The following SOX5 variants were observed in gnomAD, a reference collection of about 807,000 sequenced individuals.
SOX5 encodes SRY-box transcription factor 5.
Under a neutral mutation model 92.0 loss-of-function variants are expected in SOX5, and 9 were observed. The observed-to-expected ratio is 0.10, with a 90% CI of 0.06 to 0.17. The LOEUF (loss-of-function observed/expected upper bound fraction) is 0.17, where lower values mean the gene tolerates loss of function less well. Ranked by LOEUF, SOX5 falls within the 10% of genes least tolerant of loss-of-function variation. The pLI is 1.00. For missense variants in SOX5, 642 were observed against 944.5 expected (o/e 0.68, Z 4.20); for synonymous variants, 344 against 336.3 (o/e 1.02, Z -0.25).
intron 6 of SOX5, among the ~76,000 whole-genome samples, chr12:23,675,742 A>G (rs2139678993): frequency 6.6e-6 from 1 of 152,336 alleles, no homozygotes; most frequent in Non-Finnish European, 1.5e-5. Flanking sequence ...AATAATCAAC[A>G]AAATGAAAAG....
intron 1 of SOX5, among the ~76,000 whole-genome samples, chr12:24,475,751 G>A (rs1443944501): frequency 6.6e-6 from 1 of 152,224 alleles, no homozygotes; most frequent in African/African-American, 2.4e-5. Flanking sequence ...GGAGGCCAAG[G>A]CCAGAGGATC....
At chr12:23,596,059 C>A (rs1261788173) in intron 9 of SOX5, among the ~76,000 whole-genome samples, 1 of 152,168 alleles carries the variant, frequency 6.6e-6, no homozygotes. Context: ...GGACTGAATA[C>A]CTTCTGGGCT....
intron 7 of SOX5, among the ~76,000 whole-genome samples, chr12:23,656,889 T>A (rs1253321451): frequency 2.0e-5 from 3 of 152,054 alleles, no homozygotes; most frequent in Non-Finnish European, 4.4e-5. Context: ...TGAAGGCAGA[T>A]AACTTTTAGT....
intron 6 of SOX5, among the ~76,000 whole-genome samples, chr12:23,673,021 A>G (rs2085047305): frequency 6.6e-6 from 1 of 152,174 alleles, no homozygotes; most frequent in Non-Finnish European, 1.5e-5. Context: ...CTTAAACAAA[A>G]TATATTTGTT....
intron 1 of SOX5, among the ~76,000 whole-genome samples, chr12:24,451,877 A>G (rs1942363577): frequency 6.6e-6 from 1 of 152,250 alleles, no homozygotes; most frequent in Admixed American, 6.5e-5. Flanking sequence ...TATAGATGCC[A>G]TTAGAAAAGT....
intron 3 of SOX5, among the ~76,000 whole-genome samples, chr12:23,794,564 G>T (rs985119604): frequency 6.6e-6 from 1 of 152,060 alleles, no homozygotes; most frequent in East Asian, 1.9e-4. Context: ...CCCTCCAAAA[G>T]ATATGTCTAT....
intron 4 of SOX5, among the ~76,000 whole-genome samples, chr12:24,108,468 T>C (rs549950196): frequency 2.0e-5 from 3 of 152,290 alleles, no homozygotes; most frequent in African/African-American, 4.8e-5. Flanking sequence ...TGATTTATCA[T>C]TGATTAGTCT....
intron 4 of SOX5, among the ~76,000 whole-genome samples, chr12:24,048,520 A>T (rs1222898571): frequency 2.6e-5 from 4 of 152,184 alleles, no homozygotes; most frequent in Admixed American, 2.6e-4. Context: ...ATATATGTCG[A>T]CACAAAAACT....
rs139139966 is a variant in SOX5 at position 24,043,289 on chromosome 12, A to C, written c.-1-147265T>G. ...AATAAATATCGGAAAGCAAGAGACT[A>C]ACTGGTATTTATTTGGTACCTTGCA... On this transcript the variant is annotated intron_variant, in intron 4 of 4. Transcript: ENST00000446891. Among the ~76,000 whole-genome samples, 503 of 152,334 alleles carry C rather than the reference A, an allele frequency of 3.3e-3. 1 individual carries two copies. Among genetic ancestry groups the C allele is most frequent in the African/African-American group, 0.011 (476 of 41,590 alleles).
At chr12:24,345,164 T>C (rs189995989) in intron 2 of SOX5, among the ~76,000 whole-genome samples, 108 of 152,346 alleles carry the variant, frequency 7.1e-4, no homozygotes, top group African/African-American at 2.5e-3. Flanking sequence ...CTTTCTGGTA[T>C]ATTAGACATG....
intron 9 of SOX5, among the ~76,000 whole-genome samples, chr12:23,584,789 C>T (rs1420006443): frequency 6.6e-6 from 1 of 151,860 alleles, no homozygotes; most frequent in Non-Finnish European, 1.5e-5. Flanking sequence ...GAATGAGACA[C>T]TAAGCAAGAA....
intron 4 of SOX5, among the ~76,000 whole-genome samples, chr12:24,148,550 T>C (rs1951319775): frequency 6.8e-6 from 1 of 146,142 alleles, no homozygotes; most frequent in African/African-American, 2.5e-5. Flanking sequence ...GAATAGACTT[T>C]AGAAACAAAC....
At position 24,112,521 on chromosome 12, in the gene SOX5, CTTTTTTTTTT is replaced by C. The variant is rs139323766; in HGVS notation, c.-2+100812_-2+100821del. ...GGGATACAGAACAACTTCAAGGTTC[CTTTTTTTTTT>C]TTTTTTTTTTTTTTTTTGAGGCAGG... On this transcript the variant is annotated intron_variant, in intron 4 of 4. Coordinates refer to the SOX5 transcript ENST00000446891. Among the ~76,000 whole-genome samples, 22 of 75,692 alleles carry C rather than the reference CTTTTTTTTTT, an allele frequency of 2.9e-4. No individual in the cohort carries two copies. The East Asian group carries it at 3.0e-3, about 10-fold the overall frequency. The allele number at this position is 75,692 out of a possible 152,430, so 49.7% of individuals were successfully genotyped here. A position where few individuals can be genotyped will look rare whatever the true frequency, so the allele number is the denominator to read the frequency against.
chr12:23,942,824 G>A (rs998415163), intron 1 of SOX5, among the ~76,000 whole-genome samples: 1 of 151,958 alleles, frequency 6.6e-6, no homozygotes, highest in Admixed American at 6.6e-5. Context: ...TCTCCACAAT[G>A]AGAAATATTA....
At chr12:24,535,546 C>T (rs1219584254) in intron 1 of SOX5, among the ~76,000 whole-genome samples, 2 of 152,086 alleles carry the variant, frequency 1.3e-5, no homozygotes, top group African/African-American at 4.8e-5. Context: ...TTTCCAATTG[C>T]AGTAGCCCAG....
At chr12:24,060,686 G>C (rs1249812273) in intron 4 of SOX5, among the ~76,000 whole-genome samples, 4 of 152,218 alleles carry the variant, frequency 2.6e-5, no homozygotes, top group Middle Eastern at 3.4e-3. Context: ...TCGAGGATGG[G>C]TTCAGGTATG....
intron 1 of SOX5, among the ~76,000 whole-genome samples, chr12:24,469,956 G>T (rs1246839142): frequency 2.0e-5 from 3 of 151,900 alleles, no homozygotes; most frequent in Non-Finnish European, 4.4e-5. Flanking sequence ...ATGAGATGTT[G>T]GTTTCATGAA....
chr12:23,537,332 T>C (rs1940758687), intron 13 of SOX5, among the ~76,000 whole-genome samples: 2 of 152,182 alleles, frequency 1.3e-5, no homozygotes, highest in African/African-American at 4.8e-5. Flanking sequence ...TTTCTATCTA[T>C]TTTCATAGAT....
chr12:23,672,794 A>G (rs2139612445), intron 6 of SOX5, among the ~76,000 whole-genome samples: 1 of 152,278 alleles, frequency 6.6e-6, no homozygotes, highest in South Asian at 2.1e-4. Context: ...AACCACTTTC[A>G]AAGGATATAG....
Sources: allele counts gnomAD v4.1 joint callset (sites outside exome capture counted in the v4.1 genomes callset), GRCh38; gene constraint gnomAD v4.1.1; transcripts MANE v1.5; gene names NCBI Gene and HGNC (gene_info 2026-07-23, HGNC 2026-07-21).